ZNF37A: variants seen among roughly 807,000 people sequenced by gnomAD.
ZNF37A encodes the protein zinc finger protein 37a (KOX 21).
In ZNF37A, 10 loss-of-function variants were observed where a neutral mutation model predicts 12.3. The observed-to-expected ratio is 0.82, with a 90% CI of 0.50 to 1.38. The LOEUF (loss-of-function observed/expected upper bound fraction) is 1.38. ZNF37A is among the 40% of genes most tolerant of loss of function. The pLI, the probability that ZNF37A is intolerant of heterozygous loss-of-function variation, is 0.00. For missense variants in ZNF37A, 580 were observed against 651.2 expected (o/e 0.89, Z 1.19); for synonymous variants, 207 against 223.0 (o/e 0.93, Z 0.64).
rs950118137 is a variant in ZNF37A, at chr10:38,100,767, A to C, written c.15+4135A>C. ...ACATCTTCCTCAGCTGACAGGATTA[A>C]AAGATTAAAGACAGGCATAGGAAAT... On this transcript the variant is annotated intron_variant, in intron 5 of 7. Transcript: ENST00000685332. Among the ~76,000 whole-genome samples, 5 of 152,316 alleles carry C rather than the reference A, an allele frequency of 3.3e-5. No individual in the cohort carries two copies. In the South Asian group the frequency reaches 8.3e-4, roughly 25 times the overall value.
At position 38,118,462 on chromosome 10, in the gene ZNF37A, A is replaced by G. The variant is rs1390780189; in HGVS notation, c.1311A>G (p.Lys437=). The part of the protein sequence containing the change: ...TKHLRTHTGE[K]PYECIQCGKF... ...ATCTAAGAACTCACACAGGTGAGAA[A>G]CCTTATGAATGTATTCAGTGTGGAA... Residue 437 remains lysine, a synonymous_variant, in exon 8 of 8, where the codon AAA becomes AAG. Coordinates refer to ENST00000685332, the MANE Select transcript of ZNF37A (RefSeq NM_001324250.3). 1 of 1,614,020 alleles carries G rather than the reference A, an allele frequency of 6.2e-7. No homozygotes were observed. The highest frequency in any genetic ancestry group is 2.2e-5 in the East Asian group (1 of 44,860).
chr10:38,115,776 C>CAGTG (rs1487888284), intron 7 of ZNF37A: 3 of 152,302 alleles, frequency 2.0e-5, no homozygotes, highest in African/African-American at 7.2e-5. Context: ...AGCCTGGGCC[C>CAGTG]AGTGGTTCAT....
chr10:38,127,825 A>G (rs2069950583), downstream of ZNF37A, among the ~76,000 whole-genome samples: 1 of 152,250 alleles, frequency 6.6e-6, no homozygotes, highest in South Asian at 2.1e-4. Flanking sequence ...AATGCATGCC[A>G]CAAAAGAGGT....
At chr10:38,100,123 G>A (rs1198793915) in intron 5 of ZNF37A, among the ~76,000 whole-genome samples, 2 of 152,156 alleles carry the variant, frequency 1.3e-5, no homozygotes, top group African/African-American at 4.8e-5. Flanking sequence ...TTTTATTAGG[G>A]AGTTTCAAAA....
At chr10:38,117,187 T>A in intron 7 of ZNF37A, 1 of 985,084 alleles carries the variant, frequency 1.0e-6, no homozygotes, top group Non-Finnish European at 1.2e-6. Flanking sequence ...ATTATAGGAC[T>A]ATGAATTAGA....
At chr10:38,129,547 A>G (rs375857190), downstream of ZNF37A, among the ~76,000 whole-genome samples, 14 of 152,100 alleles carry the variant, frequency 9.2e-5, no homozygotes, top group South Asian at 1.5e-3. Context: ...TTTCTGTGTT[A>G]AAAAACTATA....
chr10:38,141,959 A>G (rs2070189799), intron 7 of ZNF37A: 1 of 152,080 alleles, frequency 6.6e-6, no homozygotes, highest in Non-Finnish European at 1.5e-5. Context: ...AAAATACAAA[A>G]AGTAACCGGG....
chr10:38,118,353 A>G lies in ZNF37A; in HGVS notation c.1202A>G (p.His401Arg), dbSNP rs1281102176. The change falls in exon 8 of 8, where the codon CAT becomes CGT. Residue 401 changes from histidine (H) to arginine (R), a missense_variant. By Grantham distance (29) the His-to-Arg change is conservative. Coordinates refer to ENST00000685332, the MANE Select transcript of ZNF37A (RefSeq NM_001324250.3). ...AFLRKSDLIK[H>R]QRIHTGEKPY... ...CTCAGAAAATCAGACCTCATTAAACATCAAAGAATACACACAGGTGAAAAA... is the reference window on the plus strand; with the variant it reads ...CTCAGAAAATCAGACCTCATTAAACGTCAAAGAATACACACAGGTGAAAAA... 19 of 1,613,830 alleles carry G rather than the reference A, an allele frequency of 1.2e-5. No individual in the cohort carries two copies. The highest frequency in any genetic ancestry group is 3.3e-5 in the Admixed American group (2 of 59,930).
downstream of ZNF37A, among the ~76,000 whole-genome samples, chr10:38,129,222 G>T (rs72793774): frequency 0.051 from 7,449 of 146,828 alleles, 283 homozygotes; most frequent in Non-Finnish European, 0.066. Context: ...TTTTTTGGCT[G>T]GTAAAAAGTC....
intron 5 of ZNF37A, among the ~76,000 whole-genome samples, chr10:38,100,272 T>C (rs2067456066): frequency 6.6e-6 from 1 of 152,116 alleles, no homozygotes; most frequent in Non-Finnish European, 1.5e-5. Context: ...CTAATGAAGT[T>C]TTGGGCACCA....
At chr10:38,129,310 A>AAAAAAAAAAAAAAAAAAAAAAAAAAAAAC (rs1380467528), downstream of ZNF37A, among the ~76,000 whole-genome samples, 1 of 146,624 alleles carries the variant, frequency 6.8e-6, no homozygotes, top group Non-Finnish European at 1.5e-5. Flanking sequence ...TGTCTAAAAA[A>AAAAAAAAAAAAAAAAAAAAAAAAAAAAAC]AAAAAAAAAA....
chr10:38,113,166 T>C (rs1368322941), intron 5 of ZNF37A, among the ~76,000 whole-genome samples: 1 of 151,852 alleles, frequency 6.6e-6, no homozygotes, highest in Admixed American at 6.6e-5. Context: ...TAGGCAAATA[T>C]TAACATTTAA....
intron 5 of ZNF37A, among the ~76,000 whole-genome samples, chr10:38,107,945 A>G (rs564976874): frequency 1.3e-5 from 2 of 148,252 alleles, no homozygotes; most frequent in African/African-American, 5.0e-5. Context: ...ACAGATCATC[A>G]AGACAGAAAA....
intron 7 of ZNF37A, chr10:38,141,199 A>G (rs1475172272): frequency 6.6e-6 from 1 of 152,188 alleles, no homozygotes; most frequent in Non-Finnish European, 1.5e-5. Flanking sequence ...AAAGAGGTGG[A>G]GTTTAATTTT....
chr10:38,115,504 T>TTA, intron 7 of ZNF37A: 3 of 509,780 alleles, frequency 5.9e-6, no homozygotes, highest in Non-Finnish European at 9.8e-6. Context: ...TTGTTTTTTT[T>TTA]AAATTGTGAT....
At chr10:38,125,247 C>T (rs926921845), downstream of ZNF37A, 2 of 152,052 alleles carry the variant, frequency 1.3e-5, no homozygotes, top group Non-Finnish European at 2.9e-5. Context: ...TTCTTCAAAG[C>T]ACACAGTTAA....
intron 5 of ZNF37A, among the ~76,000 whole-genome samples, chr10:38,101,823 C>CTTT (rs3041908): frequency 2.3e-5 from 3 of 133,166 alleles, no homozygotes; most frequent in Non-Finnish European, 1.6e-5. Context: ...TTTTATTTTT[C>CTTT]TTTTTTTTTT....
chr10:38,111,036 CG>C (rs1251092440), intron 5 of ZNF37A, among the ~76,000 whole-genome samples: 6 of 152,058 alleles, frequency 3.9e-5, no homozygotes, highest in South Asian at 2.1e-4. Context: ...TGCATACATA[CG>C]TTTTTTTGTG....
At chr10:38,105,820 T>TA (rs1491367576) in intron 5 of ZNF37A, among the ~76,000 whole-genome samples, 5 of 152,194 alleles carry the variant, frequency 3.3e-5, no homozygotes, top group African/African-American at 4.8e-5. Flanking sequence ...GTATTTTTTT[T>TA]AAAAAAACCT....
Sources: allele counts gnomAD v4.1 joint callset (sites outside exome capture counted in the v4.1 genomes callset), GRCh38; gene constraint gnomAD v4.1.1; transcripts MANE v1.5; gene names NCBI Gene and HGNC (gene_info 2026-07-23, HGNC 2026-07-21).